MIR2052HG: variants seen among roughly 807,000 people sequenced by gnomAD.
MIR2052HG encodes MIR2052 host gene.
At chr8:74,736,684 C>T (rs1809747644) in intron 4 of MIR2052HG, among the ~76,000 whole-genome samples, 1 of 152,208 alleles carries the variant, frequency 6.6e-6, no homozygotes, top group South Asian at 2.1e-4. Context: ...GTCTGCATGA[C>T]ATCAGACTAT....
chr8:74,707,578 C>CT (rs34983255), intron 4 of MIR2052HG, among the ~76,000 whole-genome samples: 15 of 151,184 alleles, frequency 9.9e-5, no homozygotes, highest in South Asian at 4.2e-4. Flanking sequence ...AGTCTTTGGA[C>CT]TTTTTTTTTA....
chr8:74,672,491 T>A (rs1809004019), intron 2 of MIR2052HG, among the ~76,000 whole-genome samples: 1 of 152,090 alleles, frequency 6.6e-6, no homozygotes, highest in South Asian at 2.1e-4. Flanking sequence ...GTCATGATAG[T>A]TAAATTTGTC....
chr8:74,705,433 A>G (rs1809400297), intron 4 of MIR2052HG, among the ~76,000 whole-genome samples: 2 of 152,036 alleles, frequency 1.3e-5, no homozygotes, highest in Admixed American at 1.3e-4. Flanking sequence ...ATATATTTTC[A>G]TTCTAAGATT....
chr8:74,661,583 C>T (rs1808865905), intron 2 of MIR2052HG, among the ~76,000 whole-genome samples: 1 of 152,164 alleles, frequency 6.6e-6, no homozygotes, highest in African/African-American at 2.4e-5. Context: ...GTTCATTGCA[C>T]ATTTCTAAGG....
intron 2 of MIR2052HG, among the ~76,000 whole-genome samples, chr8:74,660,863 T>C (rs1808855771): frequency 1.2e-5 from 1 of 85,002 alleles, no homozygotes; most frequent in Non-Finnish European, 2.2e-5. Flanking sequence ...TAAAAGGCTT[T>C]ATGTTTAAAA....
intron 2 of MIR2052HG, among the ~76,000 whole-genome samples, chr8:74,697,932 A>G: frequency 6.6e-6 from 1 of 152,170 alleles, no homozygotes. Flanking sequence ...TCATGCTGCC[A>G]AAAGCAATCT....
intron 2 of MIR2052HG, among the ~76,000 whole-genome samples, chr8:74,616,737 C>T (rs1375819168): frequency 1.3e-5 from 2 of 152,084 alleles, no homozygotes; most frequent in East Asian, 1.9e-4. Context: ...GCTTCTTTCC[C>T]TCGTACTCTG....
At chr8:74,742,341 A>T (rs1355112292) in intron 4 of MIR2052HG, among the ~76,000 whole-genome samples, 1 of 152,240 alleles carries the variant, frequency 6.6e-6, no homozygotes, top group Non-Finnish European at 1.5e-5. Context: ...GCTCTTCACA[A>T]TAGCTTACCT....
intron 4 of MIR2052HG, among the ~76,000 whole-genome samples, chr8:74,704,661 T>C (rs1244427554): frequency 6.6e-6 from 1 of 152,060 alleles, no homozygotes; most frequent in Admixed American, 6.6e-5. Context: ...TACAGTGCTG[T>C]CACTCAGCTA....
rs539458951 is a variant in MIR2052HG, at chr8:74,645,160, T to C, written n.216+32220T>C. ...GTGGAAAATTTAGATGGATTACCAC[T>C]CAAGATATCAAAGTATAGTCATAAA... On this transcript the variant is annotated intron_variant and non_coding_transcript_variant, in intron 2 of 6. Transcript: ENST00000523442. 2.0e-5 allele frequency among the ~76,000 whole-genome samples: 3 copies of C among 152,228 alleles called. No homozygotes were observed. The East Asian group carries it at 5.8e-4, about 29-fold the overall frequency.
chr8:74,613,893 A>G (rs1030559528), intron 2 of MIR2052HG, among the ~76,000 whole-genome samples: 1 of 152,202 alleles, frequency 6.6e-6, no homozygotes, highest in African/African-American at 2.4e-5. Context: ...GCCATGAATT[A>G]GGTGTATTTT....
At chr8:74,677,442 C>T (rs969943065) in intron 2 of MIR2052HG, among the ~76,000 whole-genome samples, 1 of 151,988 alleles carries the variant, frequency 6.6e-6, no homozygotes, top group Non-Finnish European at 1.5e-5. Flanking sequence ...ATCCATAAAG[C>T]AACTCTCAAA....
chr8:74,604,993 C>T (rs1404709202), intron 1 of MIR2052HG, among the ~76,000 whole-genome samples: 2 of 152,118 alleles, frequency 1.3e-5, no homozygotes, highest in Non-Finnish European at 1.5e-5. Flanking sequence ...GGGTCTGGAT[C>T]AGAATGGCTT....
intron 2 of MIR2052HG, among the ~76,000 whole-genome samples, chr8:74,634,834 T>C (rs1808561652): frequency 6.6e-6 from 1 of 152,176 alleles, no homozygotes; most frequent in Admixed American, 6.5e-5. Context: ...ATGCTAGTCA[T>C]GCTAGATTCA....
At chr8:74,634,084 T>G (rs928825019) in intron 2 of MIR2052HG, among the ~76,000 whole-genome samples, 2 of 152,180 alleles carry the variant, frequency 1.3e-5, no homozygotes, top group African/African-American at 4.8e-5. Flanking sequence ...GAGGCTTGAT[T>G]CTCATTTTAC....
At chr8:74,612,229 G>A (rs1264600342) in intron 1 of MIR2052HG, among the ~76,000 whole-genome samples, 1 of 152,164 alleles carries the variant, frequency 6.6e-6, no homozygotes, top group Non-Finnish European at 1.5e-5. Flanking sequence ...ACATTCTACA[G>A]GTATCCTTGA....
intron 2 of MIR2052HG, among the ~76,000 whole-genome samples, chr8:74,687,414 A>G (rs1366032777): frequency 6.6e-6 from 1 of 152,192 alleles, no homozygotes; most frequent in African/African-American, 2.4e-5. Flanking sequence ...TTGCAGCATT[A>G]TTCACAGTAG....
intron 2 of MIR2052HG, among the ~76,000 whole-genome samples, chr8:74,613,631 A>G (rs1290892753): frequency 6.6e-6 from 1 of 152,008 alleles, no homozygotes; most frequent in Non-Finnish European, 1.5e-5. Flanking sequence ...GATTACAGGC[A>G]CCCACCACCA....
chr8:74,696,478 G>T (rs1276814446), intron 2 of MIR2052HG, among the ~76,000 whole-genome samples: 1 of 151,852 alleles, frequency 6.6e-6, no homozygotes, highest in African/African-American at 2.4e-5. Context: ...CAAGATCAAA[G>T]CAGAAGTAAA....
Sources: gnomAD v4.1 joint callset for allele counts (sites outside exome capture counted in the v4.1 genomes callset) on GRCh38, gnomAD v4.1.1 for gene constraint, MANE v1.5 for transcripts, NCBI Gene and HGNC (gene_info 2026-07-23, HGNC 2026-07-21) for gene names.